The following IGSF5 variants were observed in gnomAD, a reference collection of about 807,000 sequenced individuals.
IGSF5 encodes immunoglobulin superfamily member 5, also known as immunoglobulin superfamily 5 like.
Under a neutral mutation model 39.4 loss-of-function variants are expected in IGSF5, and 41 were observed. The observed-to-expected ratio is 1.04, with a 90% CI of 0.81 to 1.35. The LOEUF (loss-of-function observed/expected upper bound fraction) is 1.35. Among genes scored for constraint, IGSF5 ranks in the 40% most tolerant of loss-of-function variants. The probability of loss-of-function intolerance (pLI) is 0.00; values close to 1 mark genes in which losing one functional copy is unlikely to be tolerated. For missense variants in IGSF5, 487 were observed against 494.6 expected, an observed-to-expected ratio of 0.98 and a Z score of 0.15; for synonymous variants, 183 against 175.3, an observed-to-expected ratio of 1.04 and a Z score of -0.34.
At chr21:39,732,951 G>A in the IGSF5 span, among the ~76,000 whole-genome samples, 7 of 151,974 alleles carry the variant, frequency 4.6e-5, no homozygotes, top group Non-Finnish European at 1.0e-4. Context: ...ACTTGAGCCT[G>A]GGAGGTCAAG....
intron 8 of IGSF5, among the ~76,000 whole-genome samples, chr21:39,796,228 C>T (rs1328805382): frequency 6.6e-6 from 1 of 152,156 alleles, no homozygotes; most frequent in Non-Finnish European, 1.5e-5. Context: ...GTCAACTGGC[C>T]ACTTGAGAGC....
At chr21:39,712,907 C>T in the IGSF5 span, among the ~76,000 whole-genome samples, 1 of 152,270 alleles carries the variant, frequency 6.6e-6, no homozygotes, top group African/African-American at 2.4e-5. Context: ...AGCCATTCAC[C>T]ACTGCCAGTG....
chr21:39,774,597 C>T (rs2837205), intron 4 of IGSF5, among the ~76,000 whole-genome samples: 49,984 of 152,080 alleles, frequency 0.33, 8,949 homozygotes, highest in Non-Finnish European at 0.42. Flanking sequence ...ATGATACAAA[C>T]CTCGAGCATT....
the IGSF5 span, among the ~76,000 whole-genome samples, chr21:39,736,092 C>A: frequency 6.6e-6 from 1 of 152,166 alleles, no homozygotes; most frequent in African/African-American, 2.4e-5. Flanking sequence ...CTTTTAACTT[C>A]CTAAGGGGTC....
the IGSF5 span, among the ~76,000 whole-genome samples, chr21:39,738,886 A>T: frequency 6.7e-6 from 1 of 149,164 alleles, no homozygotes; most frequent in Non-Finnish European, 1.5e-5. The surrounding 1 kb of genome is among the most constrained non-coding windows in gnomAD (Gnocchi z 6.4). Context: ...CGAGGAGGGC[A>T]GAAGCTTTTT....
the IGSF5 span, among the ~76,000 whole-genome samples, chr21:39,718,978 T>A: frequency 1.3e-5 from 2 of 152,314 alleles, no homozygotes; most frequent in African/African-American, 4.8e-5. Flanking sequence ...CATCACATCC[T>A]GGGCTTTTTT....
intron 5 of IGSF5, among the ~76,000 whole-genome samples, chr21:39,783,033 C>T (rs1281349533): frequency 1.3e-5 from 2 of 152,270 alleles, no homozygotes; most frequent in African/African-American, 4.8e-5. Context: ...GCCCTCCAGG[C>T]TCATCCATGT....
chr21:39,775,735 G>A (rs1305202141), intron 4 of IGSF5, among the ~76,000 whole-genome samples: 1 of 152,114 alleles, frequency 6.6e-6, no homozygotes, highest in Non-Finnish European at 1.5e-5. Flanking sequence ...GGGTTACTCA[G>A]GTATAGTATA....
At chr21:39,795,967 A>C (rs1286950755) in intron 8 of IGSF5, among the ~76,000 whole-genome samples, 1 of 152,176 alleles carries the variant, frequency 6.6e-6, no homozygotes, top group Non-Finnish European at 1.5e-5. Context: ...GGGGGACTTT[A>C]GGACAAAGTC....
At chr21:39,753,154 G>A (rs2080014008) in intron 2 of IGSF5, among the ~76,000 whole-genome samples, 1 of 152,068 alleles carries the variant, frequency 6.6e-6, no homozygotes. Context: ...CATCTATCTT[G>A]AGTTAGTTTT....
chr21:39,718,240 C>T, the IGSF5 span, among the ~76,000 whole-genome samples: 1 of 152,128 alleles, frequency 6.6e-6, no homozygotes, highest in African/African-American at 2.4e-5. Flanking sequence ...GCTGAAGAAG[C>T]TTTGGGGCTG....
At chr21:39,777,338 A>G (rs1263660438) in intron 4 of IGSF5, among the ~76,000 whole-genome samples, 3 of 152,190 alleles carry the variant, frequency 2.0e-5, no homozygotes, top group African/African-American at 7.2e-5. Flanking sequence ...GTCACCAACT[A>G]TCTGCATCAG....
At chr21:39,787,785 TTGAA>T (rs1284363867) in intron 5 of IGSF5, among the ~76,000 whole-genome samples, 1 of 152,106 alleles carries the variant, frequency 6.6e-6, no homozygotes, top group Non-Finnish European at 1.5e-5. Flanking sequence ...ATGGTAAAAA[TTGAA>T]TGAAAAGCAG....
At chr21:39,747,564 C>T (rs950818100) in intron 2 of IGSF5, among the ~76,000 whole-genome samples, 6 of 152,208 alleles carry the variant, frequency 3.9e-5, no homozygotes, top group Non-Finnish European at 8.8e-5. Context: ...CGGGAGTTAC[C>T]TCCAAGTTAA....
intron 5 of IGSF5, among the ~76,000 whole-genome samples, chr21:39,787,552 GTTTTTTT>G (rs33925299): frequency 9.2e-5 from 11 of 119,908 alleles, no homozygotes; most frequent in Admixed American, 8.4e-4. Context: ...TAATGACAGT[GTTTTTTT>G]TTTTTTTTTT....
chr21:39,769,489 A>AG (rs2080103571), intron 3 of IGSF5, among the ~76,000 whole-genome samples: 4 of 150,416 alleles, frequency 2.7e-5, no homozygotes, highest in African/African-American at 7.4e-5. Context: ...AAAAAAAAAA[A>AG]AAGAGAAAAG....
intron 2 of IGSF5, among the ~76,000 whole-genome samples, chr21:39,754,282 A>G (rs1170159638): frequency 6.6e-6 from 1 of 152,184 alleles, no homozygotes; most frequent in Non-Finnish European, 1.5e-5. Context: ...TTGACTGACA[A>G]TCATTTTGTT....
upstream of IGSF5, among the ~76,000 whole-genome samples, chr21:39,744,963 G>A (rs1314782174): frequency 6.6e-6 from 1 of 152,232 alleles, no homozygotes; most frequent in African/African-American, 2.4e-5. Flanking sequence ...TGACAACAAA[G>A]TGGCATTGGA....
At chr21:39,762,593 TAAGGAA>T (rs2080066712) in intron 2 of IGSF5, among the ~76,000 whole-genome samples, 1 of 152,238 alleles carries the variant, frequency 6.6e-6, no homozygotes, top group South Asian at 2.1e-4. Context: ...CAGGAAAAAG[TAAGGAA>T]AAGGAAGAGG....
Sources: gnomAD v4.1 joint callset for allele counts (sites outside exome capture counted in the v4.1 genomes callset) on GRCh38, gnomAD v4.1.1 for gene constraint, Gnocchi (gnomAD v3.1) non-coding constraint, MANE v1.5 for transcripts, NCBI Gene and HGNC (gene_info 2026-07-23, HGNC 2026-07-21) for gene names.